TTF2: variants seen among roughly 807,000 people sequenced by gnomAD.
TTF2 encodes the protein RNA polymerase II termination factor.
In TTF2, 108 loss-of-function variants were observed where a neutral mutation model predicts 142.4. The observed-to-expected ratio is 0.76, with a 90% CI of 0.65 to 0.89. The LOEUF (loss-of-function observed/expected upper bound fraction) is 0.89, where lower values mean the gene tolerates loss of function less well. Ranked by LOEUF, TTF2 falls within the 40% of genes least tolerant of loss-of-function variation. The pLI is 0.00. For missense variants in TTF2, 1,327 were observed against 1,379.8 expected (o/e 0.96, Z 0.61); for synonymous variants, 483 against 506.2 (o/e 0.95, Z 0.61).
In TTF2 at chr1:117,093,501, T is replaced by C. The variant is rs1272552245; in HGVS notation, c.2976+600T>C. Among the ~76,000 whole-genome samples, 1 of 152,220 alleles carries C rather than the reference T, an allele frequency of 6.6e-6. No homozygotes were observed. The highest frequency in any genetic ancestry group is 2.4e-5 in the African/African-American group (1 of 41,462). On this transcript the variant is annotated intron_variant, in intron 18 of 22. Transcript: ENST00000369466. This position sits in a 1 kb window ranked among gnomAD's most constrained non-coding sequence, Gnocchi z 4.5. ...ATCCTGCCTGTCTTGAAAGTGAGGC[T>C]TGTTTCTCTCTTAGCATCTCAAGCT... is the stretch of plus-strand genomic sequence containing the variant.
rs1298319736 is a variant in TTF2, at chr1:117,075,194, T to C, written c.610T>C (p.Cys204Arg). Residue 204 changes from cysteine to arginine, a missense_variant, in exon 5 of 23, where the codon TGT becomes CGT. Physicochemically the swap from Cys to Arg is radical, Grantham distance 180. Transcript: ENST00000369466. The surrounding 1 kb of genome is among the most constrained non-coding windows in gnomAD (Gnocchi z 4.5). ...KKQEEGAEIQCEAETGGTHKR... is the reference protein window; with the variant it reads ...KKQEEGAEIQREAETGGTHKR... ...GCAAGAAGAGGGAGCAGAGATTCAG[T>C]GTGAGGCAGAGACTGGAGGCACACA... 1 of 1,614,122 alleles carries C rather than the reference T, an allele frequency of 6.2e-7. No homozygotes were observed.
At chr1:117,078,910 T>C (rs1647233133) in intron 8 of TTF2, among the ~76,000 whole-genome samples, 1 of 151,938 alleles carries the variant, frequency 6.6e-6, no homozygotes, top group African/African-American at 2.4e-5. Context: ...GAAAAGCCAA[T>C]GTAATGGCTG....
At position 117,092,827 on chromosome 1, in the gene TTF2, C is replaced by G. The variant is rs139878101; in HGVS notation, c.2902C>G (p.Pro968Ala). 6.2e-6 allele frequency: 10 copies of G among 1,614,224 alleles called. No individual in the cohort carries two copies. In the South Asian group the frequency reaches 7.7e-5, roughly 12 times the overall value. Reference protein sequence around the residue: ...LTLSELRDSEPSSTVSLNGTF... With the variant: ...LTLSELRDSEASSTVSLNGTF... ...CTTGTCAGAACTCCGTGACTCAGAG[C>G]CATCTTCCACTGTTTCCCTTAACGG... Residue 968 changes from proline to alanine, a missense_variant, in exon 18 of 23, where the codon CCA (proline) becomes GCA (alanine). By Grantham distance (27) the Pro-to-Ala change is conservative. Coordinates refer to ENST00000369466, the MANE Select transcript of TTF2 (RefSeq NM_003594.4). The surrounding 1 kb of genome is among the most constrained non-coding windows in gnomAD (Gnocchi z 4.4).
chr1:117,089,266 A>G (rs927653717), intron 13 of TTF2, among the ~76,000 whole-genome samples: 3 of 150,122 alleles, frequency 2.0e-5, no homozygotes, highest in African/African-American at 4.9e-5. Flanking sequence ...TATGCTATAT[A>G]TATATATATA....
chr1:117,092,390 AG>A lies in TTF2; in HGVS notation c.2806-340del, dbSNP rs1454647207. 6.6e-6 allele frequency among the ~76,000 whole-genome samples: 1 copy of A among 152,162 alleles called. No homozygotes were observed. Among genetic ancestry groups the A allele is most frequent in the Non-Finnish European group, 1.5e-5 (1 of 68,036 alleles). On this transcript the variant is annotated intron_variant, in intron 17 of 22. Transcript: ENST00000369466. The surrounding 1 kb of genome is among the most constrained non-coding windows in gnomAD (Gnocchi z 4.4). The stretch of plus-strand genomic sequence containing the variant: ...CTGAAAAGTTGCCCCTACCTTGGAT[AG>A]AGGCACATCCAAAATTAAGAGGAGT...
chr1:117,097,382 T>TTGG lies in TTF2; in HGVS notation c.3220_3222dup (p.Gly1074dup). On this transcript the variant is annotated inframe_insertion, in exon 21 of 23. Coordinates refer to ENST00000369466, the MANE Select transcript of TTF2 (RefSeq NM_003594.4). This position sits in a 1 kb window ranked among gnomAD's most constrained non-coding sequence, Gnocchi z 4.1. Reference sequence around the variant, plus strand: ...CTAATCTCTCTCTTGGCCGGAGGTGTTGGTCTAAACCTGACTGGAGGAAAT... The same window carrying TTGG: ...CTAATCTCTCTCTTGGCCGGAGGTGTTGGTGGTCTAAACCTGACTGGAGGAAAT... The TTGG allele has an allele frequency of 6.2e-7, 1 of 1,614,164 alleles. No individual in the cohort carries two copies.
At chr1:117,084,258 A>G (rs1647811018) in intron 11 of TTF2, 90 bp downstream of exon 11, 1 of 1,505,516 alleles carries the variant, frequency 6.6e-7, no homozygotes, top group African/African-American at 1.4e-5. Context: ...GATTTCACTT[A>G]ATCAGGACGC....
rs775243963 is a variant in TTF2, at chr1:117,076,665, A to G, written c.1415A>G (p.Gln472Arg). The G allele has an allele frequency of 6.2e-7, 1 of 1,612,842 alleles. No individual in the cohort carries two copies. The highest frequency in any genetic ancestry group is 8.5e-7 in the Non-Finnish European group (1 of 1,179,386). ...GGAACTAATGAGAAGAGTAACAGTC[A>G]AGTACCACAGCAGAGTCACTTCACC... ...EQGTNEKSNS[Q>R]VPQQSHFTKT... Residue 472 changes from glutamine to arginine, a missense_variant, in exon 7 of 23, where the codon CAA becomes CGA. By Grantham distance (43) the Gln-to-Arg change is conservative. Coordinates refer to ENST00000369466, the MANE Select transcript of TTF2 (RefSeq NM_003594.4). The surrounding 1 kb of genome is among the most constrained non-coding windows in gnomAD (Gnocchi z 4.6).
In TTF2 at chr1:117,092,698, C is replaced by T; in HGVS notation, c.2806-33C>T. 6.3e-7 allele frequency: 1 copy of T among 1,595,488 alleles called. No individual in the cohort carries two copies. Among genetic ancestry groups the T allele is most frequent in the Non-Finnish European group, 8.5e-7 (1 of 1,170,344 alleles). On this transcript the variant is annotated intron_variant, in intron 17 of 22. Transcript: ENST00000369466. The surrounding 1 kb of genome is among the most constrained non-coding windows in gnomAD (Gnocchi z 4.4). ...AGTAACAAGGTTTGCTCCCTTGACT[C>T]CCAGCTGCTCCTGTCCTTTTTTGTC...
chr1:117,075,256 C>T lies in TTF2; in HGVS notation c.672C>T (p.Cys224=), dbSNP rs1253903330. 6.2e-7 allele frequency: 1 copy of T among 1,614,144 alleles called. No individual in the cohort carries two copies. The highest frequency in any genetic ancestry group is 8.5e-7 in the Non-Finnish European group (1 of 1,180,034). Residue 224 remains cysteine (C), a synonymous_variant, in exon 5 of 23, where the codon TGC becomes TGT. Coordinates refer to ENST00000369466, the MANE Select transcript of TTF2 (RefSeq NM_003594.4). The surrounding 1 kb of genome is among the most constrained non-coding windows in gnomAD (Gnocchi z 4.5). The stretch of plus-strand genomic sequence containing the variant: ...TTTCTGAAATTAAATCTCAACAGTG[C>T]CAAGGTAATGAGCTTACAAGACCAT... ...RDFSEIKSQQ[C]QGNELTRPSA... is the part of the protein sequence containing the mutation.
At chr1:117,091,693 T>C in intron 16 of TTF2, 124 bp from the exon 17 acceptor site, 1 of 1,295,256 alleles carries the variant, frequency 7.7e-7, no homozygotes, top group Non-Finnish European at 1.0e-6. Context: ...TAGAAGTGAG[T>C]TGTAACTATA....
Position 117,097,509 on chromosome 1 carries a change from G to T in TTF2, c.3269+76G>T. On this transcript the variant is annotated intron_variant, in intron 21 of 22. Coordinates refer to ENST00000369466, the MANE Select transcript of TTF2 (RefSeq NM_003594.4). This position sits in a 1 kb window ranked among gnomAD's most constrained non-coding sequence, Gnocchi z 4.1. ...GTGGGCTACAGGGGCAGCAAGAACT[G>T]ACTTCTTATGTTGATTGCTGTGTTC... The T allele has an allele frequency of 7.7e-7, 1 of 1,292,590 alleles. No individual in the cohort carries two copies. Among genetic ancestry groups the T allele is most frequent in the South Asian group, 1.2e-5 (1 of 84,236 alleles). The allele number at this position is 1,292,590 out of a possible 1,614,324, so 80.1% of individuals were successfully genotyped here.
In TTF2 at chr1:117,092,048, T is replaced by G. The variant is rs2101144753; in HGVS notation, c.2805+98T>G. 1 of 1,295,928 alleles carries G rather than the reference T, an allele frequency of 7.7e-7. No homozygotes were observed. Among genetic ancestry groups the G allele is most frequent in the East Asian group, 2.5e-5 (1 of 40,022 alleles). 80.3% of individuals were successfully genotyped at this position (1,295,928 alleles called of 1,614,324 possible). On this transcript the variant is annotated intron_variant, in intron 17 of 22. Transcript: ENST00000369466. This position sits in a 1 kb window ranked among gnomAD's most constrained non-coding sequence, Gnocchi z 4.4. The stretch of plus-strand genomic sequence containing the variant: ...TCCAACTGGAATCCAGTCTGCTTGA[T>G]CAAAGGAAATGCTGTTTCGGTTTTT...
intron 3 of TTF2, among the ~76,000 whole-genome samples, chr1:117,068,057 G>A (rs1246291869): frequency 6.6e-6 from 1 of 152,198 alleles, no homozygotes; most frequent in Non-Finnish European, 1.5e-5. Context: ...TAGAACCAGG[G>A]GGAAGAAATC....
chr1:117,069,518 G>A (rs1248192734), intron 3 of TTF2, among the ~76,000 whole-genome samples: 1 of 152,230 alleles, frequency 6.6e-6, no homozygotes, highest in Non-Finnish European at 1.5e-5. Context: ...GCCAGTGTGA[G>A]CTTGGCATTG....
intron 18 of TTF2, chr1:117,094,863 C>CT (rs1436856800): frequency 5.9e-6 from 2 of 340,220 alleles, no homozygotes; most frequent in Admixed American, 8.9e-5. Context: ...CTAACCTGTA[C>CT]TTTGGGGGTT....
chr1:117,068,628 C>A (rs1221854304), intron 3 of TTF2, among the ~76,000 whole-genome samples: 1 of 151,732 alleles, frequency 6.6e-6, no homozygotes, highest in Non-Finnish European at 1.5e-5. Flanking sequence ...CTTTTAATAA[C>A]CCTTGAAACT....
rs560146063 is a variant in TTF2 at position 117,075,957 on chromosome 1, G to A, written c.1275+98G>A. The stretch of plus-strand genomic sequence containing the variant: ...CTACAGAAGGGTTAAATATGTTCAT[G>A]TGAAGGTTTTATAGGTGCATGTTCA... On this transcript the variant is annotated intron_variant, in intron 5 of 22. Coordinates refer to ENST00000369466, the MANE Select transcript of TTF2 (RefSeq NM_003594.4). This position sits in a 1 kb window ranked among gnomAD's most constrained non-coding sequence, Gnocchi z 4.5. 28 of 1,482,306 alleles carry A rather than the reference G, an allele frequency of 1.9e-5. No homozygotes were observed. The highest frequency in any genetic ancestry group is 2.4e-5 in the Non-Finnish European group (27 of 1,116,428). The allele number at this position is 1,482,306 out of a possible 1,614,324, so 91.8% of individuals were successfully genotyped here. A position where few individuals can be genotyped will look rare whatever the true frequency, so the allele number is the denominator to read the frequency against.
rs1307511615 is a variant in TTF2, at chr1:117,097,323, A to C, written c.3187-28A>C. 2 of 1,608,536 alleles carry C rather than the reference A, an allele frequency of 1.2e-6. No individual in the cohort carries two copies. The highest frequency in any genetic ancestry group is 1.1e-5 in the South Asian group (1 of 90,948). On this transcript the variant is annotated intron_variant, in intron 20 of 22. Transcript: ENST00000369466. This position sits in a 1 kb window ranked among gnomAD's most constrained non-coding sequence, Gnocchi z 4.1. ...ATGTGTTACGAGACCAAGTCTGTTT[A>C]AAGTTAATGTTGTGTTTCCTTTTGA...
Sources: allele counts gnomAD v4.1 joint callset (sites outside exome capture counted in the v4.1 genomes callset), GRCh38; gene constraint gnomAD v4.1.1; non-coding constraint Gnocchi (gnomAD v3.1); transcripts MANE v1.5; gene names NCBI Gene and HGNC (gene_info 2026-07-23, HGNC 2026-07-21).